APOOL: variants seen among roughly 807,000 people sequenced by gnomAD.
The protein encoded by APOOL is apolipoprotein O like, also known as MICOS complex subunit MIC27.
APOOL carries 12 observed loss-of-function variants against 23.1 expected under a neutral mutation model. The observed-to-expected ratio is 0.52, with a 90% CI of 0.33 to 0.84. The LOEUF is 0.84. APOOL is among the 40% of genes least tolerant of loss of function. APOOL has a pLI of 0.02. For synonymous variants in APOOL, 77 were observed against 69.9 expected (o/e 1.10, Z -0.51); for missense variants, 212 against 199.6 (o/e 1.06, Z -0.37).
At chrX:85,036,897 G>A (rs1922235517) in intron 1 of APOOL, among the ~76,000 whole-genome samples, 1 of 110,054 alleles carries the variant, frequency 9.1e-6, no homozygotes, top group South Asian at 3.9e-4. Context: ...TTGTTATTAT[G>A]TCTTGCATCC....
chrX:85,065,803 G>A (rs1274909596), intron 5 of APOOL, among the ~76,000 whole-genome samples: 1 of 110,710 alleles, frequency 9.0e-6, no homozygotes, highest in African/African-American at 3.3e-5. Flanking sequence ...AGAGATACTA[G>A]GATTATAAAA....
At chrX:85,041,899 C>T (rs187089291) in intron 1 of APOOL, among the ~76,000 whole-genome samples, 189 of 110,859 alleles carry the variant, frequency 1.7e-3, no homozygotes, top group African/African-American at 5.7e-3. Context: ...CTCTGTGGGT[C>T]ATGGTGCTCC....
At chrX:85,055,285 TTC>T (rs1231629282) in intron 4 of APOOL, among the ~76,000 whole-genome samples, 2 of 111,940 alleles carry the variant, frequency 1.8e-5, no homozygotes, top group Admixed American at 1.9e-4. Flanking sequence ...AGAACTACTC[TTC>T]ATCTACTTTT....
intron 1 of APOOL, among the ~76,000 whole-genome samples, chrX:85,027,750 C>A (rs1921892175): frequency 8.9e-6 from 1 of 112,024 alleles, no homozygotes; most frequent in Non-Finnish European, 1.9e-5. Flanking sequence ...ACGCTTCTTA[C>A]CAAGTTCTAT....
At chrX:85,045,251 G>A (rs1385223197) in intron 1 of APOOL, among the ~76,000 whole-genome samples, 1 of 110,987 alleles carries the variant, frequency 9.0e-6, no homozygotes, top group Non-Finnish European at 1.9e-5. Context: ...CATGGGGGAG[G>A]AGAATAAAAA....
intron 1 of APOOL, among the ~76,000 whole-genome samples, chrX:85,044,272 A>G (rs5923240): frequency 4.0e-3 from 202 of 49,981 alleles, no homozygotes; most frequent in African/African-American, 9.3e-3. Flanking sequence ...GTGTGTGTGT[A>G]TATATATATA....
At position 85,061,364 on chromosome X, in the gene APOOL, C is replaced by T. The variant is rs1378391218; in HGVS notation, c.394+5439C>T. On this transcript the variant is annotated intron_variant, in intron 5 of 8. Coordinates refer to ENST00000373173, the MANE Select transcript of APOOL (RefSeq NM_198450.6). ...TCTTGTTTTCCATTGTGTCTCTGCC[C>T]GGCTTTGGTATCAGGATGATGCTGG... Among the ~76,000 whole-genome samples, 10 of 111,165 alleles carry T rather than the reference C, an allele frequency of 9.0e-5. No individual in the cohort carries two copies. In the East Asian group the frequency reaches 1.1e-3, roughly 13 times the overall value.
chrX:85,088,312 C>G lies in APOOL; in HGVS notation c.*634C>G, dbSNP rs1356344467. The G allele has an allele frequency of 4.0e-5, 1 of 24,922 alleles. No homozygotes were observed. The highest frequency in any genetic ancestry group is 1.3e-4 in the African/African-American group (1 of 7,858). The allele number at this position is 24,922 out of a possible 1,213,427, so 2.1% of individuals were successfully genotyped here. On this transcript the variant is annotated 3_prime_UTR_variant, in exon 9 of 9. Coordinates refer to ENST00000373173, the MANE Select transcript of APOOL (RefSeq NM_198450.6). ...ATGGTGTATGGAAAGGTGTGTTTCC[C>G]TCTGTTTTTTTTTTTTTTTTTTTTT...
intron 8 of APOOL, among the ~76,000 whole-genome samples, chrX:85,082,899 CA>C (rs941009125): frequency 8.9e-6 from 1 of 111,848 alleles, no homozygotes; most frequent in African/African-American, 3.3e-5. Flanking sequence ...TAGCCAAACT[CA>C]AAACCTCTTA....
At chrX:85,071,977 G>A (rs1358961710) in intron 6 of APOOL, among the ~76,000 whole-genome samples, 11 of 111,416 alleles carry the variant, frequency 9.9e-5, no homozygotes, top group Admixed American at 2.9e-4. Flanking sequence ...GTATGGTGGC[G>A]TGCGCCTGTA....
In APOOL at chrX:85,087,855, CTG is replaced by C. The variant is rs1442995117; in HGVS notation, c.*180_*181del. 5.3e-6 allele frequency: 2 copies of C among 379,569 alleles called. No individual in the cohort carries two copies. The highest frequency in any genetic ancestry group is 9.0e-6 in the Non-Finnish European group (2 of 221,778). The allele number at this position is 379,569 out of a possible 1,213,427, so 31.3% of individuals were successfully genotyped here. ...ATTACATAAGTGGTTAACACACAAA[CTG>C]TGAATGCAGTGTAAACAATATTAAA... is the stretch of plus-strand genomic sequence containing the variant. On this transcript the variant is annotated 3_prime_UTR_variant, in exon 9 of 9. Transcript: ENST00000373173.
intron 3 of APOOL, among the ~76,000 whole-genome samples, chrX:85,053,209 T>A (rs1922841615): frequency 2.7e-5 from 3 of 111,118 alleles, no homozygotes; most frequent in South Asian, 3.8e-4. Context: ...CTAAGAAAAA[T>A]TTTTTTTGAA....
chrX:85,077,016 T>TAC (rs1556376694), intron 8 of APOOL, among the ~76,000 whole-genome samples: 8 of 95,291 alleles, frequency 8.4e-5, no homozygotes, highest in Admixed American at 7.1e-4. Context: ...TATATATATA[T>TAC]ACGTATATAT....
intron 5 of APOOL, among the ~76,000 whole-genome samples, chrX:85,065,314 G>C (rs1396456213): frequency 9.0e-6 from 1 of 111,291 alleles, no homozygotes; most frequent in Non-Finnish European, 1.9e-5. Context: ...CACACCAATG[G>C]GTCTTGTCTT....
chrX:85,077,880 A>G lies in APOOL; in HGVS notation c.718+3489A>G, dbSNP rs751909976. On this transcript the variant is annotated intron_variant, in intron 8 of 8. Transcript: ENST00000373173. ...ATTTTTTCATGTGTCTGTTGACTGC[A>G]TAAATGTCTTCTTTTGAGAAGTGTC... Among the ~76,000 whole-genome samples the G allele has an allele frequency of 2.1e-3, 234 of 112,289 alleles. 1 individual carries two copies. The highest frequency in any genetic ancestry group is 7.3e-3 in the African/African-American group (227 of 30,928).
intron 1 of APOOL, among the ~76,000 whole-genome samples, chrX:85,016,918 G>T (rs976859484): frequency 3.6e-5 from 4 of 112,269 alleles, no homozygotes; most frequent in African/African-American, 1.3e-4. Flanking sequence ...TTGCTGTAAT[G>T]GCCTGAGATA....
intron 1 of APOOL, among the ~76,000 whole-genome samples, chrX:85,006,547 G>T (rs1921085761): frequency 9.4e-6 from 1 of 106,644 alleles, no homozygotes; most frequent in East Asian, 2.9e-4. Flanking sequence ...CAGAAAAGGT[G>T]TCTTTTAATT....
rs757163831 is a variant in APOOL at position 85,092,581 on chromosome X, C to T, written c.*4903C>T. Reference sequence around the variant, plus strand: ...GGCTATCTGTTTAAAAACAAACAAGCAAATATTACTTTCATTTGAAAGTAT... The same window carrying T: ...GGCTATCTGTTTAAAAACAAACAAGTAAATATTACTTTCATTTGAAAGTAT... On this transcript the variant is annotated 3_prime_UTR_variant, in exon 9 of 9. Coordinates refer to ENST00000373173, the MANE Select transcript of APOOL (RefSeq NM_198450.6). 1 of 1,178,739 alleles carries T rather than the reference C, an allele frequency of 8.5e-7. No individual in the cohort carries two copies. The highest frequency in any genetic ancestry group is 1.8e-5 in the African/African-American group (1 of 56,396).
chrX:85,015,725 C>T (rs1041155411), intron 1 of APOOL, among the ~76,000 whole-genome samples: 3 of 109,653 alleles, frequency 2.7e-5, no homozygotes, highest in Admixed American at 9.8e-5. Context: ...TGTGCCACCA[C>T]GCACGGCTAA....
Sources: allele counts gnomAD v4.1 joint callset (sites outside exome capture counted in the v4.1 genomes callset), GRCh38; gene constraint gnomAD v4.1.1; transcripts MANE v1.5; gene names NCBI Gene and HGNC (gene_info 2026-07-23, HGNC 2026-07-21).